Variants in SSPN observed in about 807,000 individuals in gnomAD.
The protein encoded by SSPN is K-ras oncogene-associated protein.
In SSPN, 15 loss-of-function variants were observed where a neutral mutation model predicts 19.1. That is an observed-to-expected ratio of 0.78 (90% confidence interval 0.52 to 1.21). The LOEUF is 1.21. Ranked by LOEUF, SSPN falls within the 50% of genes most tolerant of loss-of-function variation. The pLI is 0.00. For missense variants in SSPN, 291 were observed against 314.0 expected (o/e 0.93, Z 0.55); for synonymous variants, 147 against 140.3 (o/e 1.05, Z -0.34).
chr12:26,186,441 C>T (rs1366256255), intron 1 of SSPN, among the ~76,000 whole-genome samples: 9 of 152,368 alleles, frequency 5.9e-5, no homozygotes, highest in African/African-American at 2.2e-4. Context: ...GGCATTTCCT[C>T]ATATGCCAAA....
intron 1 of SSPN, among the ~76,000 whole-genome samples, chr12:26,210,318 C>G (rs1248037202): frequency 6.6e-6 from 1 of 151,902 alleles, no homozygotes; most frequent in East Asian, 1.9e-4. Flanking sequence ...AATAATACAC[C>G]TAACAAGTTA....
At chr12:26,133,411 C>T (rs978606280) in intron 1 of SSPN, among the ~76,000 whole-genome samples, 2 of 152,130 alleles carry the variant, frequency 1.3e-5, no homozygotes. Flanking sequence ...CAGACCAGGC[C>T]CCCATAATCT....
At chr12:26,229,467 A>G (rs1051538954) in intron 2 of SSPN, among the ~76,000 whole-genome samples, 1 of 152,274 alleles carries the variant, frequency 6.6e-6, no homozygotes, top group African/African-American at 2.4e-5. Context: ...AAAACACTTG[A>G]AATCATCACT....
intron 1 of SSPN, among the ~76,000 whole-genome samples, chr12:26,175,567 T>C (rs1342321940): frequency 6.6e-6 from 1 of 152,204 alleles, no homozygotes; most frequent in Non-Finnish European, 1.5e-5. Flanking sequence ...TAAACAATGA[T>C]AATAGTCATA....
At chr12:26,122,052 C>T (rs1944310134) in exon 1 of SSPN, 6 of 1,549,274 alleles carry the variant, frequency 3.9e-6, no homozygotes, top group African/African-American at 1.4e-5. Flanking sequence ...CTCCGTCCTT[C>T]GGGACGCAAG....
chr12:26,191,903 A>G (rs1444239707), upstream of SSPN, among the ~76,000 whole-genome samples: 1 of 152,232 alleles, frequency 6.6e-6, no homozygotes, highest in African/African-American at 2.4e-5. Context: ...CATATGAAAA[A>G]GACTTGATAT....
intron 1 of SSPN, among the ~76,000 whole-genome samples, chr12:26,201,633 G>A (rs956460831): frequency 2.0e-5 from 3 of 151,820 alleles, no homozygotes; most frequent in South Asian, 2.1e-4. Context: ...GAAGCAGCAG[G>A]TTCTAATATT....
intron 1 of SSPN, among the ~76,000 whole-genome samples, chr12:26,154,712 A>G (rs1168262549): frequency 1.3e-5 from 2 of 152,250 alleles, no homozygotes; most frequent in African/African-American, 4.8e-5. Flanking sequence ...AGAACCCAGT[A>G]TCTACTGTAC....
chr12:26,173,021 C>G (rs564448665), intron 1 of SSPN, among the ~76,000 whole-genome samples: 1 of 152,278 alleles, frequency 6.6e-6, no homozygotes, highest in South Asian at 2.1e-4. Context: ...TGAATTCTCC[C>G]CATTCCCTTT....
intron 1 of SSPN, among the ~76,000 whole-genome samples, chr12:26,157,247 G>A (rs1211749789): frequency 2.0e-5 from 3 of 152,198 alleles, no homozygotes; most frequent in Non-Finnish European, 4.4e-5. Context: ...TTCACTAAGT[G>A]ATTGCAGATT....
chr12:26,195,640 C>CGCCGG lies in SSPN; in HGVS notation c.-31_-30insCGGGC. ...GCTCCAGGGCCCAGGGCGCCGCACA[C>CGCCGG]GCACCCACCCACCCACCCAGCCTCG... On this transcript the variant is annotated 5_prime_UTR_variant, in exon 1 of 3. Coordinates refer to ENST00000242729, the MANE Select transcript of SSPN (RefSeq NM_005086.5). 1 of 1,230,352 alleles carries CGCCGG rather than the reference C, an allele frequency of 8.1e-7. No individual in the cohort carries two copies. Among genetic ancestry groups the CGCCGG allele is most frequent in the Non-Finnish European group, 1.0e-6 (1 of 986,168 alleles). 76.2% of individuals were successfully genotyped at this position (1,230,352 alleles called of 1,614,324 possible).
chr12:26,160,953 C>G (rs951506485), intron 1 of SSPN, among the ~76,000 whole-genome samples: 1 of 151,602 alleles, frequency 6.6e-6, no homozygotes, highest in East Asian at 1.9e-4. Flanking sequence ...ACTAAAAATA[C>G]AAAAATTAGC....
intron 1 of SSPN, chr12:26,181,063 G>A (rs544302114): frequency 1.3e-5 from 2 of 152,396 alleles, no homozygotes; most frequent in African/African-American, 2.4e-5. Flanking sequence ...TGGAAAGAAA[G>A]TAGAATAATG....
At chr12:26,140,558 C>T (rs903525872) in intron 1 of SSPN, among the ~76,000 whole-genome samples, 16 of 152,114 alleles carry the variant, frequency 1.1e-4, no homozygotes, top group Admixed American at 5.9e-4. Flanking sequence ...AAAGGGGCCG[C>T]GGGGGAAGTG....
chr12:26,153,604 A>G (rs1349156942), intron 1 of SSPN, among the ~76,000 whole-genome samples: 2 of 152,194 alleles, frequency 1.3e-5, no homozygotes, highest in Admixed American at 6.5e-5. Context: ...ACTGGCGGTG[A>G]CACCATTCTG....
chr12:26,137,744 A>C (rs1411024303), intron 1 of SSPN, among the ~76,000 whole-genome samples: 2 of 138,298 alleles, frequency 1.4e-5, no homozygotes, highest in African/African-American at 5.4e-5. Context: ...GGCTCATTGC[A>C]ACTGCCACCT....
rs559714181 is a variant in SSPN at position 26,203,614 on chromosome 12, A to G, written c.279+7663A>G. On this transcript the variant is annotated intron_variant, in intron 1 of 2. Transcript: ENST00000242729. ...ATGCCTGAGTGAAGCAGCTCACTCCATCACCCTGGTTAATTTTAAAATTCA... is the reference window on the plus strand; with the variant it reads ...ATGCCTGAGTGAAGCAGCTCACTCCGTCACCCTGGTTAATTTTAAAATTCA... Among the ~76,000 whole-genome samples the G allele has an allele frequency of 3.2e-4, 48 of 152,344 alleles. 1 individual carries two copies. The South Asian group carries it at 9.3e-3, about 30-fold the overall frequency.
intron 1 of SSPN, among the ~76,000 whole-genome samples, chr12:26,148,798 A>G (rs1012684704): frequency 3.3e-5 from 5 of 152,198 alleles, no homozygotes; most frequent in African/African-American, 9.7e-5. Flanking sequence ...TGAAGATGTT[A>G]CGAGAATTAC....
At chr12:26,177,560 G>A (rs192079429) in intron 1 of SSPN, among the ~76,000 whole-genome samples, 3 of 152,278 alleles carry the variant, frequency 2.0e-5, no homozygotes, top group Admixed American at 2.0e-4. Flanking sequence ...CCATCAAGGA[G>A]CTCCTTATTT....
Sources: gnomAD v4.1 joint callset for allele counts (sites outside exome capture counted in the v4.1 genomes callset) on GRCh38, gnomAD v4.1.1 for gene constraint, MANE v1.5 for transcripts, NCBI Gene and HGNC (gene_info 2026-07-23, HGNC 2026-07-21) for gene names.